Variants in AP3D1 observed in about 807,000 individuals in gnomAD.
The protein encoded by AP3D1 is adaptor related protein complex 3 subunit delta 1.
Under a neutral mutation model 147.6 loss-of-function variants are expected in AP3D1, and 51 were observed. That is an observed-to-expected ratio of 0.35 (90% CI 0.28 to 0.44). The LOEUF is 0.44. AP3D1 is among the 20% of genes least tolerant of loss of function. AP3D1 has a pLI of 1.00. For missense variants in AP3D1, 1,421 were observed against 1,624.2 expected, an observed-to-expected ratio of 0.87 and a Z score of 2.15; for synonymous variants, 760 against 663.0, an observed-to-expected ratio of 1.15 and a Z score of -2.25.
intron 31 of AP3D1, among the ~76,000 whole-genome samples, chr19:2,107,839 G>A (rs1280359623): frequency 6.6e-6 from 1 of 152,146 alleles, no homozygotes; most frequent in East Asian, 1.9e-4. Flanking sequence ...AAGTGACCCG[G>A]TATCATCACA....
At chr19:2,149,067 T>C (rs1254041168) in intron 1 of AP3D1, among the ~76,000 whole-genome samples, 1 of 152,158 alleles carries the variant, frequency 6.6e-6, no homozygotes, top group Non-Finnish European at 1.5e-5. Context: ...CTCCAGCAGC[T>C]GCAGAGAACA....
chr19:2,164,283 C>T, intron 1 of AP3D1: 1 of 1,253,762 alleles, frequency 8.0e-7, no homozygotes, highest in African/African-American at 1.5e-5. Flanking sequence ...CCGCCCTCCA[C>T]CGTCCCTACC....
chr19:2,164,178 C>T (rs2144619947), intron 1 of AP3D1: 1 of 1,227,940 alleles, frequency 8.1e-7, no homozygotes, highest in Non-Finnish European at 1.0e-6. Context: ...CGGCCGCGCG[C>T]GCGGACATGG....
In AP3D1 at chr19:2,123,934, C is replaced by G; in HGVS notation, c.857-55G>C. 3 of 1,546,036 alleles carry G rather than the reference C, an allele frequency of 1.9e-6. No homozygotes were observed. In the South Asian group the frequency reaches 3.6e-5, roughly 18 times the overall value. The stretch of plus-strand genomic sequence containing the variant: ...GTCAGCACCATGGCCAGCGCCGACA[C>G]CAACTCAGGGCCACGGGGCACCAGC... On this transcript the variant is annotated intron_variant, in intron 9 of 31. Coordinates refer to ENST00000643116, the MANE Select transcript of AP3D1 (RefSeq NM_001261826.3).
chr19:2,164,090 G>T (rs956066378), intron 1 of AP3D1: 1 of 67,990 alleles, frequency 1.5e-5, no homozygotes, highest in African/African-American at 5.5e-5. Context: ...TCAGCCTCCC[G>T]CCCCTCCCTC....
At chr19:2,111,154 C>G in intron 26 of AP3D1, 131 bp downstream of exon 26, 1 of 1,224,852 alleles carries the variant, frequency 8.2e-7, no homozygotes, top group Middle Eastern at 2.8e-4. Context: ...CCAAGCAACG[C>G]CCCTGCCAGG....
In AP3D1 at chr19:2,138,724, G is replaced by C. The variant is rs752064454; in HGVS notation, c.97-10C>G. 9 of 1,587,262 alleles carry C rather than the reference G, an allele frequency of 5.7e-6. No individual in the cohort carries two copies. Among genetic ancestry groups the C allele is most frequent in the Non-Finnish European group, 7.8e-6 (9 of 1,158,040 alleles). ...GAGATATGTATTTTGCCTATAATGG[G>C]GGATAAACACAGAGATTACAAACAT... is the stretch of plus-strand genomic sequence containing the variant. On this transcript the variant is annotated splice_polypyrimidine_tract_variant and intron_variant, in intron 1 of 31. Transcript: ENST00000643116.
chr19:2,159,491 C>T (rs1490279791), intron 1 of AP3D1, among the ~76,000 whole-genome samples: 1 of 150,822 alleles, frequency 6.6e-6, no homozygotes, highest in Non-Finnish European at 1.5e-5. Flanking sequence ...CGGGTTCAAG[C>T]GATTCTCCCG....
At chr19:2,141,650 C>T (rs1452252700) in intron 1 of AP3D1, among the ~76,000 whole-genome samples, 1 of 152,026 alleles carries the variant, frequency 6.6e-6, no homozygotes, top group African/African-American at 2.4e-5. Flanking sequence ...CCATTTTGGC[C>T]ATGACGGTCT....
chr19:2,113,176 C>T lies in AP3D1; in HGVS notation c.2679+160G>A, dbSNP rs563780039. On this transcript the variant is annotated intron_variant, in intron 23 of 31. Transcript: ENST00000643116. ...GGCCCCTGCTTGGCCCACTGGGACC[C>T]GGGAGCATGACCCCGGCTCCACTCA... 5.1e-5 allele frequency: 32 copies of T among 628,110 alleles called. 1 individual carries two copies. The East Asian group carries it at 7.4e-4, about 15-fold the overall frequency. 38.9% of individuals were successfully genotyped at this position (628,110 alleles called of 1,614,324 possible). A position where few individuals can be genotyped will look rare whatever the true frequency, so the allele number is the denominator to read the frequency against.
intron 1 of AP3D1, among the ~76,000 whole-genome samples, chr19:2,150,827 A>C (rs993689690): frequency 3.9e-5 from 6 of 152,146 alleles, no homozygotes; most frequent in Admixed American, 1.3e-4. Context: ...CAGGTTGAAG[A>C]AGCTCTGCCC....
Position 2,117,007 on chromosome 19 carries a change from G to A in AP3D1, c.1859+215C>T. Reference sequence around the variant, plus strand: ...AGCTTTATGGCAAGGGTGGGAGCAGGCCCACTTCGCAGGGAGCATCCCCAG... The same window carrying A: ...AGCTTTATGGCAAGGGTGGGAGCAGACCCACTTCGCAGGGAGCATCCCCAG... On this transcript the variant is annotated intron_variant, in intron 16 of 31. Transcript: ENST00000643116. The A allele has an allele frequency of 3.7e-6, 3 of 801,124 alleles. No individual in the cohort carries two copies. The South Asian group carries it at 6.2e-5, about 17-fold the overall frequency. 49.6% of individuals were successfully genotyped at this position (801,124 alleles called of 1,614,324 possible).
At chr19:2,148,426 C>T (rs1259688942) in intron 1 of AP3D1, among the ~76,000 whole-genome samples, 1 of 152,214 alleles carries the variant, frequency 6.6e-6, no homozygotes, top group African/African-American at 2.4e-5. Flanking sequence ...CAGGACAGGA[C>T]GGTTACTGTA....
intron 4 of AP3D1, among the ~76,000 whole-genome samples, chr19:2,134,288 GTGTAT>G (rs2019022453): frequency 1.3e-5 from 2 of 151,880 alleles, no homozygotes; most frequent in African/African-American, 4.8e-5. Flanking sequence ...AGGTGTGGTG[GTGTAT>G]GCCTGCAGTC....
Position 2,110,153 on chromosome 19 carries a change from G to T in AP3D1, c.3247C>A (p.Leu1083Met). The T allele has an allele frequency of 6.2e-7, 1 of 1,612,988 alleles. No individual in the cohort carries two copies. Among genetic ancestry groups the T allele is most frequent in the Non-Finnish European group, 8.5e-7 (1 of 1,179,898 alleles). The change falls in exon 28 of 32, where the codon CTG (leucine) becomes ATG (methionine). Residue 1083 changes from leucine to methionine, a missense_variant. By Grantham distance (15) the Leu-to-Met change is conservative. Transcript: ENST00000643116. ...CTGCATACCTTGGCAATGAAGGACAGGGTCCCCTTGAGCTTCTGCGCCATG... is the reference window on the plus strand; with the variant it reads ...CTGCATACCTTGGCAATGAAGGACATGGTCCCCTTGAGCTTCTGCGCCATG... Reference protein sequence around the residue: ...IVMAQKLKGTLSFIAKNDEGA... With the variant: ...IVMAQKLKGTMSFIAKNDEGA...
intron 1 of AP3D1, among the ~76,000 whole-genome samples, chr19:2,145,128 T>C (rs1035937923): frequency 2.6e-5 from 4 of 152,212 alleles, no homozygotes; most frequent in East Asian, 1.9e-4. Flanking sequence ...GGAACCACCT[T>C]GGCTCAGCAG....
At chr19:2,132,705 G>A in intron 4 of AP3D1, 127 bp from the exon 5 acceptor site, 1 of 690,828 alleles carries the variant, frequency 1.4e-6, no homozygotes, top group Middle Eastern at 4.1e-4. Flanking sequence ...TCCTCTTGGG[G>A]TGCAGCTGTG....
upstream of AP3D1, among the ~76,000 whole-genome samples, chr19:2,152,660 G>C (rs1349849559): frequency 6.6e-6 from 1 of 151,932 alleles, no homozygotes; most frequent in African/African-American, 2.4e-5. Flanking sequence ...GGTGGATCAT[G>C]AGGTCAGGAG....
intron 25 of AP3D1, 42 bp downstream of exon 25, chr19:2,111,637 A>T: frequency 6.5e-7 from 1 of 1,546,514 alleles, no homozygotes. Flanking sequence ...ACAGCCCGCC[A>T]GGAACCCCGG....
Sources: allele counts gnomAD v4.1 joint callset (sites outside exome capture counted in the v4.1 genomes callset), GRCh38; gene constraint gnomAD v4.1.1; transcripts MANE v1.5; gene names NCBI Gene and HGNC (gene_info 2026-07-23, HGNC 2026-07-21).